Variants in PRSS3 observed in about 807,000 individuals in gnomAD.
The protein encoded by PRSS3 is trypsin-3.
In PRSS3, 14 loss-of-function variants were observed where a neutral mutation model predicts 20.8. That is an observed-to-expected ratio of 0.67 (90% CI 0.44 to 1.05). The LOEUF (loss-of-function observed/expected upper bound fraction) is 1.05. Among genes scored for constraint, PRSS3 ranks in the 50% least tolerant of loss-of-function variants. PRSS3 has a pLI of 0.00. For missense variants in PRSS3, 237 were observed against 306.4 expected, an observed-to-expected ratio of 0.77 and a Z score of 1.69; for synonymous variants, 91 against 117.6, an observed-to-expected ratio of 0.77 and a Z score of 1.46.
intron 1 of PRSS3, among the ~76,000 whole-genome samples, 190 bp from the exon 2 acceptor site, chr9:33,796,453 C>T (rs541273565): frequency 2.1e-4 from 32 of 152,368 alleles, no homozygotes; most frequent in Middle Eastern, 3.4e-3. Flanking sequence ...TACCTAGCTA[C>T]GTGCCCTGCA....
At chr9:33,756,152 GA>G (rs1240047018) in intron 1 of PRSS3, among the ~76,000 whole-genome samples, 2 of 152,122 alleles carry the variant, frequency 1.3e-5, no homozygotes, top group Non-Finnish European at 2.9e-5. Flanking sequence ...CTTCACACTT[GA>G]TTGCTGGTTT....
At chr9:33,785,434 C>A (rs1214626606) in intron 1 of PRSS3, among the ~76,000 whole-genome samples, 1 of 151,900 alleles carries the variant, frequency 6.6e-6, no homozygotes, top group East Asian at 1.9e-4. Flanking sequence ...GCCTCGGCCT[C>A]CCAAAGTGCT....
At chr9:33,771,330 T>C (rs1823682289) in intron 1 of PRSS3, among the ~76,000 whole-genome samples, 1 of 150,292 alleles carries the variant, frequency 6.7e-6, no homozygotes, top group African/African-American at 2.5e-5. Flanking sequence ...TTTTTTTTTA[T>C]GTTTTGAGAT....
At chr9:33,789,181 T>A (rs1824528500) in intron 1 of PRSS3, among the ~76,000 whole-genome samples, 1 of 152,240 alleles carries the variant, frequency 6.6e-6, no homozygotes, top group Non-Finnish European at 1.5e-5. Context: ...TCACTCAGGG[T>A]GGCCTATTTC....
At position 33,750,827 on chromosome 9, in the gene PRSS3, G is replaced by A; in HGVS notation, c.-53+100G>A. On this transcript the variant is annotated intron_variant, in intron 1 of 5. Coordinates refer to the PRSS3 transcript ENST00000342836. This position sits in a 1 kb window ranked among gnomAD's most constrained non-coding sequence, Gnocchi z 4.8. ...GGGGCTGTGATGGAGAGGGGGTTCC[G>A]ACTCGCATGGGACCTGCGGGGGAGG... 1 of 1,395,540 alleles carries A rather than the reference G, an allele frequency of 7.2e-7. No homozygotes were observed. Among genetic ancestry groups the A allele is most frequent in the Non-Finnish European group, 9.2e-7 (1 of 1,081,448 alleles). 86.4% of individuals were successfully genotyped at this position (1,395,540 alleles called of 1,614,324 possible).
chr9:33,788,447 A>G (rs1824500579), intron 1 of PRSS3, among the ~76,000 whole-genome samples: 1 of 152,252 alleles, frequency 6.6e-6, no homozygotes. Context: ...AATGGAAAAT[A>G]TATAATCAAG....
intron 1 of PRSS3, among the ~76,000 whole-genome samples, chr9:33,796,206 G>T (rs1587400945): frequency 6.6e-6 from 1 of 152,224 alleles, no homozygotes; most frequent in South Asian, 2.1e-4. Flanking sequence ...TGAGCTATGG[G>T]GGAAGCTAGT....
At chr9:33,774,323 G>T (rs931998740) in intron 1 of PRSS3, among the ~76,000 whole-genome samples, 1 of 152,104 alleles carries the variant, frequency 6.6e-6, no homozygotes, top group South Asian at 2.1e-4. Context: ...TCAAATCAAA[G>T]TACTCAGTCT....
chr9:33,796,710 C>G lies in PRSS3; in HGVS notation c.108C>G (p.Pro36=). The G allele has an allele frequency of 1.2e-6, 2 of 1,613,954 alleles. No homozygotes were observed. Among genetic ancestry groups the G allele is most frequent in the Non-Finnish European group, 1.7e-6 (2 of 1,179,820 alleles). The change falls in exon 2 of 5, where the codon CCC becomes CCG. Residue 36 remains proline (P), a synonymous_variant. Transcript: ENST00000379405. ...GGYTCEENSL[P]YQVSLNSGSH... is the part of the protein sequence containing the mutation. ...ACACCTGTGAGGAGAATTCTCTCCCCTACCAGGTGTCCCTGAATTCTGGCT... is the reference window on the plus strand; with the variant it reads ...ACACCTGTGAGGAGAATTCTCTCCCGTACCAGGTGTCCCTGAATTCTGGCT...
chr9:33,797,458 G>A (rs566010818), intron 2 of PRSS3, among the ~76,000 whole-genome samples: 3 of 152,334 alleles, frequency 2.0e-5, no homozygotes, highest in African/African-American at 4.8e-5. Context: ...AGGAACAGGC[G>A]CTGTGCGCAG....
chr9:33,750,694 C>T lies in PRSS3; in HGVS notation c.-86C>T. The T allele has an allele frequency of 6.9e-7, 1 of 1,448,770 alleles. No individual in the cohort carries two copies. Among genetic ancestry groups the T allele is most frequent in the South Asian group, 1.5e-5 (1 of 68,624 alleles). 89.7% of individuals were successfully genotyped at this position (1,448,770 alleles called of 1,614,324 possible). On this transcript the variant is annotated 5_prime_UTR_variant, in exon 1 of 6. Transcript: ENST00000342836. This position sits in a 1 kb window ranked among gnomAD's most constrained non-coding sequence, Gnocchi z 4.8. ...GGGTGGACGCACTTGGCGAGCGGCGCGGGATGCAGACGGCTGCGAGGCGCT... is the reference window on the plus strand; with the variant it reads ...GGGTGGACGCACTTGGCGAGCGGCGTGGGATGCAGACGGCTGCGAGGCGCT...
rs142798893 is a variant in PRSS3, at chr9:33,757,634, C to T, written c.-53+6907C>T. Among the ~76,000 whole-genome samples, 264 of 152,236 alleles carry T rather than the reference C, an allele frequency of 1.7e-3. 1 individual carries two copies. The highest frequency in any genetic ancestry group is 5.5e-3 in the African/African-American group (230 of 41,544). On this transcript the variant is annotated intron_variant, in intron 1 of 5. Coordinates refer to the PRSS3 transcript ENST00000342836. Reference sequence around the variant, plus strand: ...TTGCTGTTAGCTTTTCCTTCTTAGGCGACTTCAACAAAGACTGCAAACTCC... The same window carrying T: ...TTGCTGTTAGCTTTTCCTTCTTAGGTGACTTCAACAAAGACTGCAAACTCC...
intron 1 of PRSS3, among the ~76,000 whole-genome samples, chr9:33,758,402 T>A (rs1305132433): frequency 6.6e-6 from 1 of 152,220 alleles, no homozygotes; most frequent in Non-Finnish European, 1.5e-5. Flanking sequence ...GAACAGTAAC[T>A]AAACTACAGT....
At chr9:33,785,005 G>A (rs76826123) in intron 1 of PRSS3, among the ~76,000 whole-genome samples, 1,729 of 152,050 alleles carry the variant, frequency 0.011, 15 homozygotes, top group Non-Finnish European at 0.017. Context: ...ATAATAAATA[G>A]CCTAACCAAA....
At chr9:33,796,940 C>T (rs1226926805) in intron 2 of PRSS3, 138 bp downstream of exon 2, 2 of 1,393,572 alleles carry the variant, frequency 1.4e-6, no homozygotes, top group African/African-American at 2.8e-5. Context: ...CAGCAGCTGA[C>T]TCTCCAGAGC....
At chr9:33,752,462 T>C (rs1439381740) in intron 1 of PRSS3, among the ~76,000 whole-genome samples, 1 of 152,252 alleles carries the variant, frequency 6.6e-6, no homozygotes, top group Non-Finnish European at 1.5e-5. Flanking sequence ...AAACATTTTA[T>C]TGTAAGAGAA....
intron 1 of PRSS3, among the ~76,000 whole-genome samples, chr9:33,768,014 C>T (rs538405780): frequency 3.9e-5 from 6 of 152,330 alleles, no homozygotes; most frequent in South Asian, 2.1e-4. Context: ...AGTCCCCCAG[C>T]CTGTGGGCCT....
intron 1 of PRSS3, among the ~76,000 whole-genome samples, chr9:33,760,186 T>TC (rs893004049): frequency 3.3e-5 from 5 of 152,042 alleles, no homozygotes; most frequent in South Asian, 2.1e-4. Context: ...GTAAGGTTTT[T>TC]TTTTTTTTTT....
At chr9:33,774,266 G>T (rs772193608) in intron 1 of PRSS3, among the ~76,000 whole-genome samples, 8 of 152,158 alleles carry the variant, frequency 5.3e-5, no homozygotes, top group Non-Finnish European at 1.0e-4. Flanking sequence ...CTAATCTAAT[G>T]AACTAATCCA....
Sources: allele counts gnomAD v4.1 joint callset (sites outside exome capture counted in the v4.1 genomes callset), GRCh38; gene constraint gnomAD v4.1.1; non-coding constraint Gnocchi (gnomAD v3.1); transcripts MANE v1.5; gene names NCBI Gene and HGNC (gene_info 2026-07-23, HGNC 2026-07-21).